Variants in SNX29 observed in about 807,000 individuals in gnomAD.
The protein encoded by SNX29 is sorting nexin-29.
SNX29 carries 78 observed loss-of-function variants against 102.1 expected under a neutral mutation model. That is an observed-to-expected ratio of 0.76 (90% CI 0.64 to 0.92). The LOEUF (loss-of-function observed/expected upper bound fraction) is 0.92, where lower values mean the gene tolerates loss of function less well. Ranked by LOEUF, SNX29 falls within the 40% of genes least tolerant of loss-of-function variation. SNX29 has a pLI of 0.00. For synonymous variants in SNX29, 580 were observed against 414.5 expected, an observed-to-expected ratio of 1.40 and a Z score of -4.85; for missense variants, 1,280 against 1,061.7, an observed-to-expected ratio of 1.21 and a Z score of -2.86.
At chr16:12,498,609 TG>T (rs2088949045) in intron 19 of SNX29, among the ~76,000 whole-genome samples, 1 of 152,214 alleles carries the variant, frequency 6.6e-6, no homozygotes, top group Non-Finnish European at 1.5e-5. Flanking sequence ...GGGCTCTGTT[TG>T]CATAGGCTTA....
chr16:12,420,811 G>A (rs1303023495), intron 18 of SNX29, among the ~76,000 whole-genome samples: 1 of 152,186 alleles, frequency 6.6e-6, no homozygotes, highest in African/African-American at 2.4e-5. Context: ...GCTTCAGGGT[G>A]AACACTGATA....
At chr16:12,043,143 C>T (rs1386649735) in intron 5 of SNX29, 66 bp downstream of exon 5, 2 of 1,576,494 alleles carry the variant, frequency 1.3e-6, no homozygotes, top group Non-Finnish European at 8.6e-7. Flanking sequence ...AGTCTGGAAT[C>T]AGACCACCTG....
intron 15 of SNX29, among the ~76,000 whole-genome samples, chr16:12,308,592 C>T (rs555964050): frequency 2.6e-5 from 4 of 152,232 alleles, no homozygotes; most frequent in African/African-American, 7.2e-5. Context: ...GTGCTAGTCA[C>T]GGCTTCGAGT....
At chr16:12,023,031 G>A (rs766378203) in intron 3 of SNX29, among the ~76,000 whole-genome samples, 13 of 151,664 alleles carry the variant, frequency 8.6e-5, no homozygotes, top group Non-Finnish European at 1.8e-4. Context: ...CCAGTAGCTG[G>A]AATTACAGGT....
intron 9 of SNX29, among the ~76,000 whole-genome samples, chr16:12,067,668 AGTAGAGACGGG>A (rs2051097243): frequency 1.3e-5 from 2 of 152,060 alleles, no homozygotes; most frequent in African/African-American, 4.8e-5. Flanking sequence ...TTGTATTTTT[AGTAGAGACGGG>A]GTTTTGCCAT....
chr16:12,339,370 C>CAAAAAA (rs58148692), intron 15 of SNX29, among the ~76,000 whole-genome samples: 1 of 56,272 alleles, frequency 1.8e-5, no homozygotes, highest in African/African-American at 8.0e-5. Context: ...GATTCTGTCT[C>CAAAAAA]AAAAAAAAAA....
chr16:12,339,791 C>A (rs1006833476), intron 15 of SNX29, among the ~76,000 whole-genome samples: 2 of 152,204 alleles, frequency 1.3e-5, no homozygotes, highest in African/African-American at 4.8e-5. Flanking sequence ...GGAATTGACT[C>A]TTATTGGCCT....
intron 18 of SNX29, among the ~76,000 whole-genome samples, chr16:12,415,133 C>G (rs1278953521): frequency 6.6e-6 from 1 of 152,224 alleles, no homozygotes; most frequent in African/African-American, 2.4e-5. Flanking sequence ...CAAGTCCGGG[C>G]AAAAATTCCA....
chr16:12,508,220 G>A (rs1474439016), intron 19 of SNX29, among the ~76,000 whole-genome samples: 1 of 152,198 alleles, frequency 6.6e-6, no homozygotes, highest in Non-Finnish European at 1.5e-5. Context: ...ACAGGGAGGA[G>A]TCCAGAGAAT....
chr16:12,296,192 C>A (rs1373576431), intron 15 of SNX29, among the ~76,000 whole-genome samples: 1 of 152,206 alleles, frequency 6.6e-6, no homozygotes, highest in African/African-American at 2.4e-5. Flanking sequence ...CTCAGTTTCT[C>A]TGTAAATATC....
intron 15 of SNX29, among the ~76,000 whole-genome samples, chr16:12,325,701 T>G (rs912287617): frequency 6.6e-6 from 1 of 152,138 alleles, no homozygotes; most frequent in African/African-American, 2.4e-5. Flanking sequence ...GAAGTAGATT[T>G]GCTCCTTATT....
At chr16:12,137,474 T>C (rs1175658125) in intron 13 of SNX29, among the ~76,000 whole-genome samples, 1 of 152,218 alleles carries the variant, frequency 6.6e-6, no homozygotes, top group Admixed American at 6.5e-5. Flanking sequence ...GCTGGGCTGC[T>C]GAGCAGTGAG....
intron 18 of SNX29, among the ~76,000 whole-genome samples, chr16:12,467,624 G>GTTCGTTCA (rs1555545962): frequency 7.5e-6 from 1 of 133,756 alleles, no homozygotes; most frequent in Non-Finnish European, 1.5e-5. Flanking sequence ...TCGTTCGTTA[G>GTTCGTTCA]TTCGTTCGTT....
At position 12,569,215 on chromosome 16, in the gene SNX29, G is replaced by C. The variant is rs2079133152; in HGVS notation, c.*586G>C. On this transcript the variant is annotated 3_prime_UTR_variant, in exon 21 of 21. Transcript: ENST00000566228. ...GGCACTGTCACAGCTCACTTTTCCA[G>C]AGGGATATTCCTGTGGCTTTGGCAA... 4.5e-6 allele frequency: 1 copy of C among 220,360 alleles called. No individual in the cohort carries two copies. Among genetic ancestry groups the C allele is most frequent in the African/African-American group, 2.3e-5 (1 of 44,378 alleles). The allele number at this position is 220,360 out of a possible 1,614,324, so 13.7% of individuals were successfully genotyped here. A position where few individuals can be genotyped will look rare whatever the true frequency, so the allele number is the denominator to read the frequency against.
intron 20 of SNX29, among the ~76,000 whole-genome samples, chr16:12,540,940 G>C (rs1055462889): frequency 2.0e-5 from 3 of 152,194 alleles, no homozygotes. Context: ...CCCACTTTTG[G>C]GGTCAGGCTG....
At chr16:12,036,139 A>G (rs1179712836) in intron 4 of SNX29, among the ~76,000 whole-genome samples, 1 of 151,904 alleles carries the variant, frequency 6.6e-6, no homozygotes, top group East Asian at 1.9e-4. Context: ...CAGTGGTGCA[A>G]TCATAGCTCA....
At chr16:12,462,002 TATATATATATGTATACAC>T (rs2086814894) in intron 18 of SNX29, among the ~76,000 whole-genome samples, 2 of 67,254 alleles carry the variant, frequency 3.0e-5, no homozygotes, top group Admixed American at 3.4e-4. Context: ...TATATATATA[TATATATATATGTATACAC>T]ACACACACAC....
chr16:12,061,433 G>T (rs1022504320), intron 8 of SNX29, 95 bp from the exon 9 acceptor site: 5 of 1,009,644 alleles, frequency 5.0e-6, no homozygotes, highest in African/African-American at 1.6e-5. Flanking sequence ...CCTTGGCCTG[G>T]TTAGTTCTCA....
At chr16:12,092,131 C>G (rs1201010126) in intron 11 of SNX29, among the ~76,000 whole-genome samples, 1 of 152,112 alleles carries the variant, frequency 6.6e-6, no homozygotes, top group East Asian at 1.9e-4. Flanking sequence ...GGTTTCAGAG[C>G]CCCCTGTAAC....
Sources: allele counts gnomAD v4.1 joint callset (sites outside exome capture counted in the v4.1 genomes callset), GRCh38; gene constraint gnomAD v4.1.1; transcripts MANE v1.5; gene names NCBI Gene and HGNC (gene_info 2026-07-23, HGNC 2026-07-21).